The following MAPK8 variants were observed in gnomAD, a reference collection of about 807,000 sequenced individuals.
MAPK8 encodes JUN N-terminal kinase.
A neutral mutation model predicts 52.9 loss-of-function variants in MAPK8; 13 were observed. The observed-to-expected ratio is 0.25, with a 90% confidence interval of 0.16 to 0.39. MAPK8 has a LOEUF of 0.39. Ranked by LOEUF, MAPK8 falls within the 10% of genes least tolerant of loss-of-function variation. MAPK8 has a pLI of 1.00. For missense variants in MAPK8, 300 were observed against 519.2 expected, an observed-to-expected ratio of 0.58 and a Z score of 4.10; for synonymous variants, 191 against 169.8, an observed-to-expected ratio of 1.12 and a Z score of -0.97.
At chr10:48,371,998 G>C (rs923932292) in intron 1 of MAPK8, among the ~76,000 whole-genome samples, 3 of 152,030 alleles carry the variant, frequency 2.0e-5, no homozygotes, top group Non-Finnish European at 4.4e-5. Flanking sequence ...GCCTTCTCCA[G>C]CTATGCCACG....
At chr10:48,380,813 C>A (rs943225588) in intron 1 of MAPK8, among the ~76,000 whole-genome samples, 2 of 152,150 alleles carry the variant, frequency 1.3e-5, no homozygotes, top group Non-Finnish European at 2.9e-5. Flanking sequence ...AAAATAGGAT[C>A]ACAGGTCATT....
intron 1 of MAPK8, among the ~76,000 whole-genome samples, chr10:48,318,228 C>A (rs1430711694): frequency 1.3e-5 from 2 of 152,140 alleles, no homozygotes; most frequent in Non-Finnish European, 2.9e-5. Flanking sequence ...CTATTAAAGC[C>A]TTACCAAGTG....
chr10:48,354,375 G>A (rs72794358), intron 1 of MAPK8, among the ~76,000 whole-genome samples: 14,661 of 152,180 alleles, frequency 0.096, 735 homozygotes, highest in Non-Finnish European at 0.11. Flanking sequence ...TTTCTTTCTG[G>A]GATGATGAAT....
At chr10:48,412,426 G>A (rs78615588) in intron 5 of MAPK8, among the ~76,000 whole-genome samples, 1,691 of 152,290 alleles carry the variant, frequency 0.011, 36 homozygotes, top group African/African-American at 0.039. Context: ...AGAAAAAATA[G>A]ATTCATATCT....
At chr10:48,378,099 G>T (rs761266922) in intron 1 of MAPK8, among the ~76,000 whole-genome samples, 1 of 151,988 alleles carries the variant, frequency 6.6e-6, no homozygotes. Context: ...CCCTCCCTCC[G>T]CAACCTTTAC....
chr10:48,358,734 T>G (rs1354730718), intron 1 of MAPK8, among the ~76,000 whole-genome samples: 2 of 152,222 alleles, frequency 1.3e-5, no homozygotes, highest in Non-Finnish European at 2.9e-5. Context: ...TCTAAGTGTT[T>G]TATAGTTTTA....
chr10:48,418,887 A>G (rs1171652761), intron 5 of MAPK8, among the ~76,000 whole-genome samples: 1 of 152,186 alleles, frequency 6.6e-6, no homozygotes, highest in Non-Finnish European at 1.5e-5. Flanking sequence ...TTATTTCTAA[A>G]TTGGAATCTG....
At chr10:48,418,996 T>G (rs1452888691) in intron 5 of MAPK8, among the ~76,000 whole-genome samples, 1 of 152,216 alleles carries the variant, frequency 6.6e-6, no homozygotes. Context: ...GTTTCTTTGC[T>G]GAGGTACTGT....
chr10:48,370,270 G>A (rs1467400417), intron 1 of MAPK8, among the ~76,000 whole-genome samples: 3 of 152,170 alleles, frequency 2.0e-5, no homozygotes, highest in Non-Finnish European at 4.4e-5. Flanking sequence ...TTAGGGAACA[G>A]GAGGACAGTT....
intron 6 of MAPK8, among the ~76,000 whole-genome samples, chr10:48,422,831 A>AGTTCCACAGT (rs1222569555): frequency 6.6e-6 from 1 of 152,222 alleles, no homozygotes; most frequent in Non-Finnish European, 1.5e-5. Flanking sequence ...TTCCAAAAGT[A>AGTTCCACAGT]ATTTCCAGTT....
At chr10:48,433,740 G>T (rs369346857) in intron 11 of MAPK8, among the ~76,000 whole-genome samples, 4 of 152,124 alleles carry the variant, frequency 2.6e-5, no homozygotes, top group African/African-American at 9.7e-5. Flanking sequence ...TCATATTGAA[G>T]TGTTTCATTG....
chr10:48,350,609 AC>A lies in MAPK8; in HGVS notation c.-50+43789del, dbSNP rs1374895616. Among the ~76,000 whole-genome samples the A allele has an allele frequency of 9.6e-4, 146 of 152,228 alleles. 1 individual carries two copies. The highest frequency in any genetic ancestry group is 3.4e-3 in the African/African-American group (143 of 41,460). On this transcript the variant is annotated intron_variant, in intron 1 of 11. Coordinates refer to ENST00000374189, the MANE Select transcript of MAPK8 (RefSeq NM_001323329.2). ...ACTCAACAAACTAAGTATTGATGGA[AC>A]TTATCTCAAAATAGTAAAAGCTGTT...
At chr10:48,411,364 G>A (rs1298745670) in intron 5 of MAPK8, among the ~76,000 whole-genome samples, 2 of 152,126 alleles carry the variant, frequency 1.3e-5, no homozygotes, top group Non-Finnish European at 1.5e-5. Context: ...CCATTTGTTA[G>A]AGACTACTCT....
intron 1 of MAPK8, among the ~76,000 whole-genome samples, chr10:48,352,737 T>A (rs916473955): frequency 6.6e-6 from 1 of 152,182 alleles, no homozygotes; most frequent in African/African-American, 2.4e-5. Flanking sequence ...ACAACTCTTA[T>A]TCAACAAAAT....
chr10:48,324,503 G>GTTTTTCTTTTTTTTTTTTTTTTT (rs1843291921), intron 1 of MAPK8, among the ~76,000 whole-genome samples: 1 of 118,020 alleles, frequency 8.5e-6, no homozygotes, highest in African/African-American at 3.6e-5. Context: ...CTGTTTTCTA[G>GTTTTTCTTTTTTTTTTTTTTTTT]TTTTTTTTTT....
intron 1 of MAPK8, among the ~76,000 whole-genome samples, chr10:48,390,382 A>G (rs1184159753): frequency 6.6e-6 from 1 of 152,206 alleles, no homozygotes; most frequent in African/African-American, 2.4e-5. Context: ...ATTAACTGTC[A>G]TAGATAGGTC....
At chr10:48,319,494 T>G (rs896894493) in intron 1 of MAPK8, among the ~76,000 whole-genome samples, 26 of 152,252 alleles carry the variant, frequency 1.7e-4, no homozygotes, top group African/African-American at 6.0e-4. Context: ...TGGCTATCTC[T>G]TTTTTATTTT....
At chr10:48,316,377 G>T (rs1267503740) in intron 1 of MAPK8, among the ~76,000 whole-genome samples, 4 of 152,164 alleles carry the variant, frequency 2.6e-5, no homozygotes, top group African/African-American at 9.7e-5. Flanking sequence ...ATCTAGGTTG[G>T]TGTAAGTAGA....
intron 1 of MAPK8, among the ~76,000 whole-genome samples, chr10:48,354,369 T>C (rs1846638785): frequency 6.6e-6 from 1 of 152,236 alleles, no homozygotes; most frequent in Non-Finnish European, 1.5e-5. Flanking sequence ...AAGGTCTTTC[T>C]TTCTGGGATG....
Sources: gnomAD v4.1 joint callset for allele counts (sites outside exome capture counted in the v4.1 genomes callset) on GRCh38, gnomAD v4.1.1 for gene constraint, MANE v1.5 for transcripts, NCBI Gene and HGNC (gene_info 2026-07-23, HGNC 2026-07-21) for gene names.